The following THRB variants were observed in gnomAD, a reference collection of about 807,000 sequenced individuals.
THRB encodes the protein thyroid hormone receptor beta.
A neutral mutation model predicts 47.8 loss-of-function variants in THRB; 12 were observed. That is an observed-to-expected ratio of 0.25 (90% CI 0.16 to 0.41). The LOEUF (loss-of-function observed/expected upper bound fraction) is 0.41. THRB is among the 10% of genes least tolerant of loss of function. The pLI is 1.00. For missense variants in THRB, 348 were observed against 589.2 expected, an observed-to-expected ratio of 0.59 and a Z score of 4.24; for synonymous variants, 218 against 212.2, an observed-to-expected ratio of 1.03 and a Z score of -0.24.
At chr3:24,239,498 T>C (rs1464447437) in intron 3 of THRB, among the ~76,000 whole-genome samples, 1 of 152,036 alleles carries the variant, frequency 6.6e-6, no homozygotes, top group African/African-American at 2.4e-5. Context: ...TTATTATTAT[T>C]TGATGGAGTC....
intron 2 of THRB, among the ~76,000 whole-genome samples, chr3:24,318,919 G>GGGAC (rs1341243569): frequency 6.6e-6 from 1 of 152,144 alleles, no homozygotes; most frequent in African/African-American, 2.4e-5. Flanking sequence ...AAAAGGGTTA[G>GGGAC]GAATTCCTCA....
chr3:24,179,655 T>A (rs1472523378), intron 5 of THRB, among the ~76,000 whole-genome samples: 1 of 152,212 alleles, frequency 6.6e-6, no homozygotes, highest in East Asian at 1.9e-4. Flanking sequence ...CCACCAATTT[T>A]ATTTTTCCAC....
chr3:24,264,844 G>C (rs902912362), intron 3 of THRB, among the ~76,000 whole-genome samples: 3 of 150,510 alleles, frequency 2.0e-5, no homozygotes, highest in Admixed American at 1.3e-4. Context: ...TATCCTAAAA[G>C]TCCACAAGAG....
intron 3 of THRB, among the ~76,000 whole-genome samples, chr3:24,291,517 G>A (rs189610911): frequency 6.6e-6 from 1 of 152,236 alleles, no homozygotes; most frequent in Admixed American, 6.5e-5. Context: ...AAAACCTACA[G>A]ACATTCTCCC....
chr3:24,396,907 A>G (rs4241524), intron 1 of THRB, among the ~76,000 whole-genome samples: 141,280 of 152,100 alleles, frequency 0.93, 65,868 homozygotes, highest in Non-Finnish European at 0.96. Context: ...TATCAATACC[A>G]GATATAAAAA....
chr3:24,263,123 C>A (rs750632164), intron 3 of THRB, among the ~76,000 whole-genome samples: 1 of 152,076 alleles, frequency 6.6e-6, no homozygotes, highest in Non-Finnish European at 1.5e-5. Flanking sequence ...CTTTTTTATG[C>A]CTTTCAGTCA....
chr3:24,340,319 C>T (rs1173466746), intron 1 of THRB, among the ~76,000 whole-genome samples: 2 of 151,862 alleles, frequency 1.3e-5, no homozygotes, highest in Admixed American at 1.3e-4. Flanking sequence ...TTAATTCCTC[C>T]TCCTTCTCCT....
At position 24,229,018 on chromosome 3, in the gene THRB, C is replaced by CA. The variant is rs200544001; in HGVS notation, c.-42-18dup. 0.017 allele frequency: 22,183 copies of CA among 1,319,972 alleles called. 248 individuals carry two copies. The highest frequency in any genetic ancestry group is 0.021 in the Non-Finnish European group (19,600 of 919,940). 81.8% of individuals were successfully genotyped at this position (1,319,972 alleles called of 1,614,324 possible). On this transcript the variant is annotated splice_polypyrimidine_tract_variant and intron_variant, in intron 3 of 10. Coordinates refer to ENST00000646209, the MANE Select transcript of THRB (RefSeq NM_001354712.2). ...TGACATCTCCTACAAGGAAAAAATA[C>CA]AAAAAAAATCACAGATTATAATCTG...
At chr3:24,334,722 G>A (rs2062132163) in intron 2 of THRB, among the ~76,000 whole-genome samples, 1 of 152,132 alleles carries the variant, frequency 6.6e-6, no homozygotes, top group Non-Finnish European at 1.5e-5. Flanking sequence ...GGCTCAGGAG[G>A]GACATTTCTT....
chr3:24,140,851 C>G (rs2035350620), intron 8 of THRB, among the ~76,000 whole-genome samples: 1 of 152,222 alleles, frequency 6.6e-6, no homozygotes, highest in Non-Finnish European at 1.5e-5. Flanking sequence ...AAAGCTGCCA[C>G]AAGTTTCCAT....
chr3:24,283,458 C>G (rs1457379792), intron 3 of THRB, among the ~76,000 whole-genome samples: 6 of 151,600 alleles, frequency 4.0e-5, no homozygotes, highest in Non-Finnish European at 7.4e-5. Context: ...CTATTTATGA[C>G]AAACCCACAG....
At chr3:24,264,833 A>G (rs182194039) in intron 3 of THRB, among the ~76,000 whole-genome samples, 29 of 152,136 alleles carry the variant, frequency 1.9e-4, no homozygotes, top group Non-Finnish European at 3.7e-4. Context: ...TTTAGTAGCA[A>G]TATCCTAAAA....
chr3:24,179,402 A>G (rs937509547), intron 5 of THRB, among the ~76,000 whole-genome samples: 1 of 152,226 alleles, frequency 6.6e-6, no homozygotes, highest in Non-Finnish European at 1.5e-5. Context: ...TGCAAATGAC[A>G]TAATAATAAT....
At chr3:24,439,403 C>T (rs2071305894) in intron 1 of THRB, among the ~76,000 whole-genome samples, 1 of 152,104 alleles carries the variant, frequency 6.6e-6, no homozygotes, top group South Asian at 2.1e-4. Flanking sequence ...GAGCCGGACG[C>T]CCTCTCACGA....
At chr3:24,492,154 T>C (rs532136493) in intron 1 of THRB, among the ~76,000 whole-genome samples, 1 of 152,174 alleles carries the variant, frequency 6.6e-6, no homozygotes, top group Non-Finnish European at 1.5e-5. Context: ...TTGGACACAA[T>C]CATTAATTTA....
intron 2 of THRB, chr3:24,318,613 T>A (rs1165566896): frequency 1.3e-5 from 2 of 152,268 alleles, no homozygotes; most frequent in Non-Finnish European, 2.9e-5. Flanking sequence ...ACTGTGTCTA[T>A]TTCCCTGTTG....
chr3:24,164,103 G>T (rs920931911), intron 5 of THRB, among the ~76,000 whole-genome samples: 7 of 152,148 alleles, frequency 4.6e-5, no homozygotes, highest in Non-Finnish European at 8.8e-5. Flanking sequence ...ACAAAAGCAT[G>T]AGATTCTGGC....
intron 1 of THRB, among the ~76,000 whole-genome samples, chr3:24,407,640 C>T (rs2067936931): frequency 6.6e-6 from 1 of 151,870 alleles, no homozygotes. Flanking sequence ...TCTAGACCCT[C>T]TTACTGGGTC....
At position 24,118,127 on chromosome 3, in the gene THRB, T is replaced by C. The variant is rs566489681; in HGVS notation, c.*4757A>G. 6.6e-6 allele frequency: 1 copy of C among 152,664 alleles called. No homozygotes were observed. Among genetic ancestry groups the C allele is most frequent in the Non-Finnish European group, 1.5e-5 (1 of 68,052 alleles). The allele number at this position is 152,664 out of a possible 1,614,324, so 9.5% of individuals were successfully genotyped here. A position where few individuals can be genotyped will look rare whatever the true frequency, so the allele number is the denominator to read the frequency against. On this transcript the variant is annotated 3_prime_UTR_variant, in exon 11 of 11. Transcript: ENST00000646209. ...TGTCCTTACATCCGTGGTTCCGTCT[T>C]TTGGCAGCAGCTGAAGTGAGAAGAG... is the stretch of plus-strand genomic sequence containing the variant.
Sources: gnomAD v4.1 joint callset for allele counts (sites outside exome capture counted in the v4.1 genomes callset) on GRCh38, gnomAD v4.1.1 for gene constraint, MANE v1.5 for transcripts, NCBI Gene and HGNC (gene_info 2026-07-23, HGNC 2026-07-21) for gene names.